Variants in ABR observed in about 807,000 individuals in gnomAD.
ABR encodes active breakpoint cluster region-related protein.
A neutral mutation model predicts 107.2 loss-of-function variants in ABR; 35 were observed. That is an observed-to-expected ratio of 0.33 (90% CI 0.25 to 0.43). The LOEUF is 0.43. ABR is among the 20% of genes least tolerant of loss of function. The pLI, the probability that ABR is intolerant of heterozygous loss-of-function variation, is 1.00. For synonymous variants in ABR, 498 were observed against 462.0 expected (o/e 1.08, Z -1.00); for missense variants, 815 against 1,115.2 (o/e 0.73, Z 3.83).
rs1196624373 is a variant in ABR at position 1,154,813 on chromosome 17, T to A, written c.61+24854A>T. 1.3e-5 allele frequency: 2 copies of A among 152,228 alleles called. No individual in the cohort carries two copies. Among genetic ancestry groups the A allele is most frequent in the Non-Finnish European group, 2.9e-5 (2 of 68,164 alleles). The allele number at this position is 152,228 out of a possible 1,614,324, so 9.4% of individuals were successfully genotyped here. On this transcript the variant is annotated intron_variant, in intron 1 of 22. Transcript: ENST00000302538. This position sits in a 1 kb window ranked among gnomAD's most constrained non-coding sequence, Gnocchi z 4.0. The stretch of plus-strand genomic sequence containing the variant: ...CGATGCCACTAGTGCCAAGAATGCT[T>A]CCCTCCTGCAGGCCCCGCTCCCTTC...
intron 2 of ABR, among the ~76,000 whole-genome samples, chr17:1,101,795 G>A (rs866354365): frequency 1.3e-5 from 2 of 150,554 alleles, no homozygotes; most frequent in African/African-American, 2.5e-5. Flanking sequence ...GTGCAGTGGC[G>A]CGATCTCGGC....
intron 16 of ABR, among the ~76,000 whole-genome samples, chr17:1,048,822 C>T (rs905548361): frequency 2.6e-5 from 4 of 152,326 alleles, no homozygotes; most frequent in Admixed American, 1.3e-4. Flanking sequence ...CCCAGCTGTG[C>T]CTGGATCACG....
At chr17:1,196,104 G>GGGTGACA (rs2042556826) in intron 1 of ABR, among the ~76,000 whole-genome samples, 1 of 144,564 alleles carries the variant, frequency 6.9e-6, no homozygotes. Context: ...ACTCCAGCCT[G>GGGTGACA]AGCAACAGAG....
At chr17:1,228,338 G>C (rs1195280212) in intron 1 of ABR, 1 of 152,768 alleles carries the variant, frequency 6.5e-6, no homozygotes, top group Non-Finnish European at 1.5e-5. Context: ...TGGAGTGGAA[G>C]GTTCGGCCTT....
intron 1 of ABR, among the ~76,000 whole-genome samples, chr17:1,143,299 GGC>G (rs2151502782): frequency 1.8e-4 from 12 of 68,538 alleles, no homozygotes; most frequent in African/African-American, 3.2e-4. Context: ...GCTCCTGGGG[GGC>G]AGCTCGCTCC....
rs1005937186 is a variant in ABR, at chr17:1,009,559, G to T, written c.2342+120C>A. 5.1e-6 allele frequency: 4 copies of T among 789,236 alleles called. No homozygotes were observed. The African/African-American group carries it at 7.1e-5, about 14-fold the overall frequency. The allele number at this position is 789,236 out of a possible 1,614,324, so 48.9% of individuals were successfully genotyped here. A position where few individuals can be genotyped will look rare whatever the true frequency, so the allele number is the denominator to read the frequency against. On this transcript the variant is annotated intron_variant, in intron 21 of 22. Transcript: ENST00000302538. ...GAGGAGGGACTGAGGAGGTGGGGTT[G>T]GGGCCACTCCCCGTTACCTTTTCAC...
Position 1,013,099 on chromosome 17 carries a change from G to GC in ABR, c.1851+5dup. On this transcript the variant is annotated splice_donor_region_variant and intron_variant, in intron 17 of 22. Coordinates refer to ENST00000302538, the MANE Select transcript of ABR (RefSeq NM_021962.5). Reference sequence around the variant, plus strand: ...ACGCCACTGATCATTCCCATCCCCGGCTCACCCCGTTCATCTCAATCACGT... The same window carrying GC: ...ACGCCACTGATCATTCCCATCCCCGGCCTCACCCCGTTCATCTCAATCACGT... 1 of 1,613,962 alleles carries GC rather than the reference G, an allele frequency of 6.2e-7. No individual in the cohort carries two copies. The highest frequency in any genetic ancestry group is 8.5e-7 in the Non-Finnish European group (1 of 1,179,924).
chr17:1,108,038 T>C (rs950793533), intron 2 of ABR, among the ~76,000 whole-genome samples: 1 of 152,188 alleles, frequency 6.6e-6, no homozygotes, highest in Non-Finnish European at 1.5e-5. Flanking sequence ...TGCACATGCC[T>C]TCTAGGCCCC....
chr17:1,173,156 C>T (rs952559504), intron 1 of ABR, among the ~76,000 whole-genome samples: 14 of 119,868 alleles, frequency 1.2e-4, no homozygotes, highest in African/African-American at 4.4e-4. Flanking sequence ...GTCCACCCCC[C>T]ACACATCACC....
chr17:1,031,881 T>TCCCTCCCTCCCTCCCTCCCCG, intron 16 of ABR: 1 of 849,174 alleles, frequency 1.2e-6, no homozygotes, highest in Non-Finnish European at 1.4e-6. Context: ...CGCGCTCCCC[T>TCCCTCCCTCCCTCCCTCCCCG]CCCTCCCTCC....
chr17:1,158,401 G>A (rs753545064), intron 1 of ABR, among the ~76,000 whole-genome samples: 21 of 151,116 alleles, frequency 1.4e-4, no homozygotes, highest in Non-Finnish European at 2.2e-4. Context: ...CAGCCGTCTC[G>A]TTAGTCTTTA....
In ABR at chr17:1,150,496, C is replaced by T. The variant is rs1430335221; in HGVS notation, c.62-25129G>A. Among the ~76,000 whole-genome samples, 6 of 152,140 alleles carry T rather than the reference C, an allele frequency of 3.9e-5. No individual in the cohort carries two copies. The highest frequency in any genetic ancestry group is 2.1e-4 in the South Asian group (1 of 4,812). On this transcript the variant is annotated intron_variant, in intron 1 of 22. Coordinates refer to ENST00000302538, the MANE Select transcript of ABR (RefSeq NM_021962.5). This position sits in a 1 kb window ranked among gnomAD's most constrained non-coding sequence, Gnocchi z 4.8. ...GCCAGGAGCTGCAAGCAGCGGCACA[C>T]GTGTGGGCAATACACAGGTTGCCCA... is the stretch of plus-strand genomic sequence containing the variant.
intron 14 of ABR, among the ~76,000 whole-genome samples, chr17:1,054,713 G>A (rs111834150): frequency 2.3e-5 from 3 of 130,944 alleles, no homozygotes; most frequent in African/African-American, 8.9e-5. Flanking sequence ...GGGGGCACAA[G>A]GAACCTGAGG....
At position 1,172,867 on chromosome 17, in the gene ABR, T is replaced by C. The variant is rs534846459; in HGVS notation, c.61+6800A>G. On this transcript the variant is annotated intron_variant, in intron 1 of 22. Coordinates refer to ENST00000302538, the MANE Select transcript of ABR (RefSeq NM_021962.5). Reference sequence around the variant, plus strand: ...GCCTCCCCTATCACAGCCCCAGAGATGGGTGAGCTGCAGAACTCTCCCCCT... The same window carrying C: ...GCCTCCCCTATCACAGCCCCAGAGACGGGTGAGCTGCAGAACTCTCCCCCT... 6.6e-5 allele frequency among the ~76,000 whole-genome samples: 10 copies of C among 152,120 alleles called. No individual in the cohort carries two copies. In the East Asian group the frequency reaches 1.7e-3, roughly 26 times the overall value.
intron 1 of ABR, among the ~76,000 whole-genome samples, chr17:1,195,263 C>T (rs143322368): frequency 0.034 from 4,635 of 137,892 alleles, 300 homozygotes; most frequent in East Asian, 0.16. Flanking sequence ...GCGGAGATCG[C>T]GCCACAGCAC....
chr17:1,208,755 G>A (rs1392089864), intron 1 of ABR, among the ~76,000 whole-genome samples: 2 of 152,112 alleles, frequency 1.3e-5, no homozygotes, highest in Non-Finnish European at 2.9e-5. Flanking sequence ...GGGTGTGGTG[G>A]CGGGCGCCTG....
chr17:1,075,116 C>G (rs2035593372), intron 6 of ABR, among the ~76,000 whole-genome samples: 1 of 152,232 alleles, frequency 6.6e-6, no homozygotes, highest in Non-Finnish European at 1.5e-5. Flanking sequence ...AACCCGGACA[C>G]CAAGTGAGGA....
rs555794324 is a variant in ABR, at chr17:1,075,764, G to A, written c.701-2087C>T. On this transcript the variant is annotated intron_variant, in intron 6 of 22. Transcript: ENST00000302538. ...TTTAAAAATATAGAGACGAGGGGCC[G>A]GGCAGGGTGGCTCACGCCTGTAATC... 3.3e-5 allele frequency among the ~76,000 whole-genome samples: 5 copies of A among 152,210 alleles called. No individual in the cohort carries two copies. In the East Asian group the frequency reaches 7.7e-4, roughly 23 times the overall value.
intron 1 of ABR, among the ~76,000 whole-genome samples, chr17:1,170,506 A>G (rs887781532): frequency 6.6e-6 from 1 of 152,118 alleles, no homozygotes; most frequent in Admixed American, 6.5e-5. Context: ...GCGTGATCTC[A>G]GGTCACTACA....
Sources: gnomAD v4.1 joint callset for allele counts (sites outside exome capture counted in the v4.1 genomes callset) on GRCh38, gnomAD v4.1.1 for gene constraint, Gnocchi (gnomAD v3.1) non-coding constraint, MANE v1.5 for transcripts, NCBI Gene and HGNC (gene_info 2026-07-23, HGNC 2026-07-21) for gene names.